CADPS2: variants seen among roughly 807,000 people sequenced by gnomAD.
The protein encoded by CADPS2 is calcium-dependent secretion activator 2.
A neutral mutation model predicts 172.5 loss-of-function variants in CADPS2; 93 were observed. That is an observed-to-expected ratio of 0.54 (90% CI 0.46 to 0.64). The LOEUF is 0.64. CADPS2 is among the 30% of genes least tolerant of loss of function. CADPS2 has a pLI of 0.00. For synonymous variants in CADPS2, 546 were observed against 555.2 expected (o/e 0.98, Z 0.23); for missense variants, 1,420 against 1,565.9 (o/e 0.91, Z 1.57).
At chr7:122,871,862 T>G (rs1285645222) in intron 1 of CADPS2, among the ~76,000 whole-genome samples, 2 of 152,124 alleles carry the variant, frequency 1.3e-5, no homozygotes, top group Non-Finnish European at 2.9e-5. Flanking sequence ...CATTTCCTTC[T>G]CCAGCTCAGC....
At chr7:122,557,951 A>G (rs576445970) in intron 7 of CADPS2, among the ~76,000 whole-genome samples, 2 of 152,168 alleles carry the variant, frequency 1.3e-5, no homozygotes, top group Non-Finnish European at 2.9e-5. Context: ...ACCCCACTTT[A>G]TTCCACTGCC....
Position 122,722,932 on chromosome 7 carries a change from C to T in CADPS2, c.453+14023G>A, listed in dbSNP as rs775995701. Among the ~76,000 whole-genome samples the T allele has an allele frequency of 9.9e-5, 15 of 151,836 alleles. No homozygotes were observed. The South Asian group carries it at 1.2e-3, about 13-fold the overall frequency. ...CTGACAAAAACAAGCAATGGGTAAACGATTCCCTATTTAATAAATGGTGTT... is the reference window on the plus strand; with the variant it reads ...CTGACAAAAACAAGCAATGGGTAAATGATTCCCTATTTAATAAATGGTGTT... On this transcript the variant is annotated intron_variant, in intron 2 of 29. Transcript: ENST00000449022.
intron 1 of CADPS2, among the ~76,000 whole-genome samples, chr7:122,863,963 GA>G (rs141374044): frequency 0.016 from 2,402 of 152,294 alleles, 61 homozygotes; most frequent in African/African-American, 0.055. Context: ...CCAGAAGGCA[GA>G]GGTTGCAGTG....
chr7:122,671,911 C>G (rs1354480160), intron 2 of CADPS2, among the ~76,000 whole-genome samples: 1 of 152,018 alleles, frequency 6.6e-6, no homozygotes, highest in Admixed American at 6.6e-5. Flanking sequence ...ATTAATGAAC[C>G]AGTAAGGTTT....
chr7:122,625,462 CAGT>C lies in CADPS2; in HGVS notation c.868-3748_868-3746del, dbSNP rs561976377. On this transcript the variant is annotated intron_variant, in intron 4 of 29. Coordinates refer to ENST00000449022, the MANE Select transcript of CADPS2 (RefSeq NM_017954.11). ...TTTAGACGTGAATAACATTTACAAT[CAGT>C]AAATTCAGTAAATCGGATCACCCTC... is the stretch of plus-strand genomic sequence containing the variant. Among the ~76,000 whole-genome samples, 155 of 152,340 alleles carry C rather than the reference CAGT, an allele frequency of 1.0e-3. 2 individuals are homozygous for C. Among genetic ancestry groups the C allele is most frequent in the African/African-American group, 3.5e-3 (147 of 41,580 alleles).
intron 2 of CADPS2, among the ~76,000 whole-genome samples, chr7:122,709,131 C>G (rs1474447312): frequency 6.6e-6 from 1 of 152,042 alleles, no homozygotes; most frequent in South Asian, 2.1e-4. Flanking sequence ...CTGCCCTTCT[C>G]ATTATTAAGA....
At chr7:122,608,202 G>A (rs906321542) in intron 6 of CADPS2, among the ~76,000 whole-genome samples, 2 of 137,538 alleles carry the variant, frequency 1.5e-5, no homozygotes, top group African/African-American at 3.0e-5. Context: ...GTGACAGAGC[G>A]AGACTCCGTC....
At chr7:122,829,632 T>C (rs1584723185) in intron 1 of CADPS2, among the ~76,000 whole-genome samples, 1 of 152,226 alleles carries the variant, frequency 6.6e-6, no homozygotes, top group East Asian at 1.9e-4. Flanking sequence ...TTACACAGTC[T>C]ACTTCACTTT....
At chr7:122,402,523 A>G (rs2046082160) in intron 20 of CADPS2, among the ~76,000 whole-genome samples, 1 of 152,228 alleles carries the variant, frequency 6.6e-6, no homozygotes. Flanking sequence ...ATCGAAGCAT[A>G]CAAATTTTAA....
chr7:122,602,574 G>A (rs1473178689), intron 6 of CADPS2, among the ~76,000 whole-genome samples: 1 of 151,984 alleles, frequency 6.6e-6, no homozygotes, highest in Non-Finnish European at 1.5e-5. Context: ...ATCAATCAGA[G>A]TTCCTAGGCA....
At chr7:122,561,189 G>C (rs2065716322) in intron 7 of CADPS2, among the ~76,000 whole-genome samples, 1 of 151,952 alleles carries the variant, frequency 6.6e-6, no homozygotes, top group Non-Finnish European at 1.5e-5. Context: ...TATTTTCCAT[G>C]GGCTAAATTG....
intron 7 of CADPS2, among the ~76,000 whole-genome samples, chr7:122,568,203 A>G (rs1371934599): frequency 1.3e-5 from 2 of 152,152 alleles, no homozygotes; most frequent in Non-Finnish European, 2.9e-5. Context: ...GTTCAAGACC[A>G]GCCTGGGCAA....
intron 1 of CADPS2, among the ~76,000 whole-genome samples, chr7:122,817,195 G>A (rs544547400): frequency 7.2e-4 from 109 of 152,288 alleles, no homozygotes; most frequent in Admixed American, 1.2e-3. Flanking sequence ...GCTGTGACTC[G>A]GATGGGGGGA....
chr7:122,776,706 G>T (rs2093894048), intron 1 of CADPS2, among the ~76,000 whole-genome samples: 1 of 152,190 alleles, frequency 6.6e-6, no homozygotes, highest in Non-Finnish European at 1.5e-5. Context: ...TTGTTGAATG[G>T]CTTTGACCAA....
intron 18 of CADPS2, among the ~76,000 whole-genome samples, chr7:122,414,617 T>A (rs1379978435): frequency 6.6e-6 from 1 of 152,210 alleles, no homozygotes; most frequent in African/African-American, 2.4e-5. Context: ...TAAAATAAAA[T>A]ATCCATAACA....
intron 1 of CADPS2, among the ~76,000 whole-genome samples, chr7:122,807,606 A>G (rs1160319470): frequency 2.0e-5 from 3 of 152,214 alleles, no homozygotes; most frequent in Admixed American, 6.5e-5. Context: ...GGGTGGCTTA[A>G]GCAACAGAAA....
intron 8 of CADPS2, among the ~76,000 whole-genome samples, chr7:122,522,160 G>C (rs994944874): frequency 1.3e-5 from 2 of 151,906 alleles, no homozygotes; most frequent in African/African-American, 4.8e-5. Flanking sequence ...TGTTGCCCAG[G>C]CTGGAGTACA....
rs75733979 is a variant in CADPS2, at chr7:122,827,184, G to A, written c.339+58815C>T. Among the ~76,000 whole-genome samples the A allele has an allele frequency of 1.1e-3, 161 of 152,182 alleles. 2 individuals are homozygous for A. In the East Asian group the frequency reaches 0.029, roughly 27 times the overall value. On this transcript the variant is annotated intron_variant, in intron 1 of 29. Coordinates refer to ENST00000449022, the MANE Select transcript of CADPS2 (RefSeq NM_017954.11). ...AAAATATGACAGCTTACAGAAAAAT[G>A]TACCAATTCCTGAAGAAACACAATC...
chr7:122,540,128 CTACAT>C (rs747154060), intron 8 of CADPS2, among the ~76,000 whole-genome samples: 52 of 152,042 alleles, frequency 3.4e-4, no homozygotes, highest in Middle Eastern at 3.2e-3. Context: ...TGAATCATGA[CTACAT>C]TACAAGTTTC....
Sources: gnomAD v4.1 joint callset for allele counts (sites outside exome capture counted in the v4.1 genomes callset) on GRCh38, gnomAD v4.1.1 for gene constraint, MANE v1.5 for transcripts, NCBI Gene and HGNC (gene_info 2026-07-23, HGNC 2026-07-21) for gene names.